Variants in APOBEC1 observed in about 807,000 individuals in gnomAD.
APOBEC1 encodes C->U-editing enzyme APOBEC-1.
Under a neutral mutation model 26.3 loss-of-function variants are expected in APOBEC1, and 22 were observed. That is an observed-to-expected ratio of 0.84 (90% CI 0.60 to 1.19). The LOEUF (loss-of-function observed/expected upper bound fraction) is 1.19, where lower values mean the gene tolerates loss of function less well. APOBEC1 is among the 50% of genes most tolerant of loss of function. APOBEC1 has a pLI of 0.00. For synonymous variants in APOBEC1, 77 were observed against 95.3 expected, an observed-to-expected ratio of 0.81 and a Z score of 1.12; for missense variants, 253 against 289.0, an observed-to-expected ratio of 0.88 and a Z score of 0.90.
At chr12:7,653,729 C>T (rs886209096) in intron 2 of APOBEC1, among the ~76,000 whole-genome samples, 2 of 152,138 alleles carry the variant, frequency 1.3e-5, no homozygotes, top group Non-Finnish European at 2.9e-5. Context: ...GTGTTGACGC[C>T]TCAAATTGCC....
intron 2 of APOBEC1, among the ~76,000 whole-genome samples, 185 bp from the exon 3 acceptor site, chr12:7,653,020 C>T (rs1863667628): frequency 6.6e-6 from 1 of 152,060 alleles, no homozygotes; most frequent in Non-Finnish European, 1.5e-5. Context: ...ACCTCCACCT[C>T]CCAGGTTCAA....
At chr12:7,657,453 G>A (rs1328509663) in intron 1 of APOBEC1, among the ~76,000 whole-genome samples, 1 of 152,070 alleles carries the variant, frequency 6.6e-6, no homozygotes, top group African/African-American at 2.4e-5. Context: ...TGCTTTCTAC[G>A]GTAGGCCCAG....
At chr12:7,656,035 C>T (rs1379829994) in intron 1 of APOBEC1, among the ~76,000 whole-genome samples, 3 of 151,944 alleles carry the variant, frequency 2.0e-5, no homozygotes, top group Admixed American at 1.3e-4. Context: ...CGTGTTCTCT[C>T]TGTGTTGCCC....
chr12:7,669,486 C>A (rs1863929997), upstream of APOBEC1, among the ~76,000 whole-genome samples: 1 of 152,126 alleles, frequency 6.6e-6, no homozygotes, highest in South Asian at 2.1e-4. Context: ...GTAAACATGT[C>A]TCTTTTTCTT....
upstream of APOBEC1, among the ~76,000 whole-genome samples, chr12:7,666,246 AT>A (rs1863890616): frequency 6.6e-6 from 1 of 151,114 alleles, no homozygotes; most frequent in Admixed American, 6.6e-5. Flanking sequence ...GTTTTGTTTT[AT>A]TTATTTATTT....
chr12:7,660,701 T>TAAAA (rs34455959), intron 1 of APOBEC1, among the ~76,000 whole-genome samples: 17 of 120,008 alleles, frequency 1.4e-4, no homozygotes, highest in South Asian at 2.9e-4. Flanking sequence ...AGATTCCATC[T>TAAAA]AAAAAAAAAA....
At position 7,651,076 on chromosome 12, in the gene APOBEC1, A is replaced by G. The variant is rs1240946184; in HGVS notation, c.508T>C (p.Tyr170His). The stretch of plus-strand genomic sequence containing the variant: ...TACAACATCATCCACAGAGGTGGGT[A>G]TTGTGGCCAGTGAGCTTCATCCCCA... ...PPGDEAHWPQ[Y>H]PPLWMMLYAL... The change falls in exon 4 of 5, where the codon TAC becomes CAC. Residue 170 changes from tyrosine to histidine, a missense_variant. Coordinates refer to ENST00000229304, the MANE Select transcript of APOBEC1 (RefSeq NM_001644.5). 2 of 1,614,042 alleles carry G rather than the reference A, an allele frequency of 1.2e-6. No homozygotes were observed. The highest frequency in any genetic ancestry group is 1.7e-6 in the Non-Finnish European group (2 of 1,180,016).
intron 1 of APOBEC1, among the ~76,000 whole-genome samples, chr12:7,659,311 AAAAAAAAAAAAAT>A (rs1289847702): frequency 3.1e-5 from 3 of 96,814 alleles, no homozygotes; most frequent in African/African-American, 1.4e-4. Flanking sequence ...AAAAAAAAAA[AAAAAAAAAAAAAT>A]ATATATATAT....
intron 4 of APOBEC1, 79 bp downstream of exon 4, chr12:7,650,944 A>T: frequency 1.0e-6 from 1 of 985,564 alleles, no homozygotes; most frequent in Non-Finnish European, 1.6e-6. Flanking sequence ...AGAAGATATG[A>T]GTCAAATTTT....
At chr12:7,663,477 G>C (rs529890809) in intron 1 of APOBEC1, among the ~76,000 whole-genome samples, 5 of 152,204 alleles carry the variant, frequency 3.3e-5, no homozygotes, top group African/African-American at 7.2e-5. Flanking sequence ...AAGGAGGAAG[G>C]GGGTGGCTGG....
rs376916984 is a variant in APOBEC1 at position 7,665,844 on chromosome 12, G to A, written c.16+13C>T. 19 of 1,600,242 alleles carry A rather than the reference G, an allele frequency of 1.2e-5. No homozygotes were observed. Among genetic ancestry groups the A allele is most frequent in the East Asian group, 1.1e-4 (5 of 43,566 alleles). On this transcript the variant is annotated intron_variant, in intron 1 of 4. Transcript: ENST00000229304. ...GTTCAAGAATACTTGCCAAGCCCCC[G>A]GATCCATTTTACCTTTCTCAGAAGT...
At chr12:7,660,399 A>AGAAG (rs1565442478) in intron 1 of APOBEC1, among the ~76,000 whole-genome samples, 2 of 107,596 alleles carry the variant, frequency 1.9e-5, no homozygotes, top group African/African-American at 7.1e-5. Flanking sequence ...AAAGAAAGAA[A>AGAAG]GAAAGAAAGA....
At chr12:7,667,776 G>A (rs897444421), upstream of APOBEC1, among the ~76,000 whole-genome samples, 1 of 152,016 alleles carries the variant, frequency 6.6e-6, no homozygotes, top group Non-Finnish European at 1.5e-5. Flanking sequence ...AGCTGGGTGT[G>A]GTGGCAGGTG....
At chr12:7,650,094 A>G (rs1863618689) in intron 4 of APOBEC1, among the ~76,000 whole-genome samples, 1 of 152,094 alleles carries the variant, frequency 6.6e-6, no homozygotes, top group South Asian at 2.1e-4. Flanking sequence ...TAGGATTACA[A>G]GCATGAGCCA....
chr12:7,668,925 T>A (rs1055615867), upstream of APOBEC1, among the ~76,000 whole-genome samples: 1 of 151,998 alleles, frequency 6.6e-6, no homozygotes, highest in African/African-American at 2.4e-5. Flanking sequence ...AGAGATGAGG[T>A]TTCACCGTGT....
At chr12:7,652,350 C>G in intron 3 of APOBEC1, 88 bp downstream of exon 3, 1 of 1,253,906 alleles carries the variant, frequency 8.0e-7, no homozygotes, top group South Asian at 1.6e-5. Flanking sequence ...GACTTCCAGC[C>G]TGGGCTAACC....
At chr12:7,665,194 CAATT>C (rs1439687890) in intron 1 of APOBEC1, among the ~76,000 whole-genome samples, 7 of 152,178 alleles carry the variant, frequency 4.6e-5, no homozygotes, top group African/African-American at 1.7e-4. Context: ...ACAAATTTAT[CAATT>C]AGTTATAGTC....
intron 4 of APOBEC1, among the ~76,000 whole-genome samples, chr12:7,650,807 TGCAAC>T (rs1421695054): frequency 6.6e-6 from 1 of 152,200 alleles, no homozygotes; most frequent in African/African-American, 2.4e-5. Context: ...CACTGCAGCT[TGCAAC>T]GCCTAGACTC....
intron 1 of APOBEC1, among the ~76,000 whole-genome samples, chr12:7,661,530 T>G (rs1044948193): frequency 2.6e-5 from 4 of 151,934 alleles, no homozygotes; most frequent in Non-Finnish European, 5.9e-5. Flanking sequence ...GATAGATATC[T>G]CTTTATAATT....
Sources: allele counts gnomAD v4.1 joint callset (sites outside exome capture counted in the v4.1 genomes callset), GRCh38; gene constraint gnomAD v4.1.1; transcripts MANE v1.5; gene names NCBI Gene and HGNC (gene_info 2026-07-23, HGNC 2026-07-21).